Variants in DCBLD2 observed in about 807,000 individuals in gnomAD.
DCBLD2 encodes discoidin, CUB and LCCL domain-containing protein 2.
Under a neutral mutation model 86.8 loss-of-function variants are expected in DCBLD2, and 54 were observed. The observed-to-expected ratio is 0.62, with a 90% CI of 0.50 to 0.78. The LOEUF (loss-of-function observed/expected upper bound fraction) is 0.78. Ranked by LOEUF, DCBLD2 falls within the 30% of genes least tolerant of loss-of-function variation. DCBLD2 has a pLI of 0.00. For missense variants in DCBLD2, 908 were observed against 954.2 expected (o/e 0.95, Z 0.64); for synonymous variants, 354 against 341.3 (o/e 1.04, Z -0.41).
At position 98,799,513 on chromosome 3, in the gene DCBLD2, C is replaced by T; in HGVS notation, c.2187G>A (p.Gln729=). Residue 729 remains glutamine, a synonymous_variant, in exon 16 of 16, where the codon CAG becomes CAA. Coordinates refer to ENST00000326840, the MANE Select transcript of DCBLD2 (RefSeq NM_080927.4). ...LSRTDSCSSA[Q]AQYDTPKAGK... ...CAGCTTTCGGGGTATCATACTGGGC[C>T]TGGGCTGAGGAGCAGCTGTCAGTCC... The T allele has an allele frequency of 6.2e-7, 1 of 1,613,942 alleles. No individual in the cohort carries two copies. The highest frequency in any genetic ancestry group is 8.5e-7 in the Non-Finnish European group (1 of 1,179,880).
rs769229798 is a variant in DCBLD2 at position 98,799,431 on chromosome 3, G to A, written c.2269C>T (p.Gln757Ter). ...TCCCTTCCTGCTCCTGATACTTCTT[G>A]TGTGCTCTGTGGCACCTGGTACACC... Reference protein sequence around the residue: ...ELVYQVPQSTQEVSGAGRDGE... With the variant: ...ELVYQVPQST The change falls in exon 16 of 16, where the codon CAA becomes TAA. Residue 757 changes from glutamine (Q) to a stop codon, truncating the protein, a stop_gained. Coordinates refer to ENST00000326840, the MANE Select transcript of DCBLD2 (RefSeq NM_080927.4). LOFTEE classifies it high-confidence loss of function. The A allele has an allele frequency of 6.8e-6, 11 of 1,613,830 alleles. No homozygotes were observed. Among genetic ancestry groups the A allele is most frequent in the East Asian group, 2.2e-5 (1 of 44,882 alleles).
chr3:98,838,040 G>T lies in DCBLD2; in HGVS notation c.571+11421C>A, dbSNP rs868571347. Among the ~76,000 whole-genome samples, 25 of 86,730 alleles carry T rather than the reference G, an allele frequency of 2.9e-4. No individual in the cohort carries two copies. The East Asian group carries it at 7.3e-3, about 25-fold the overall frequency. The allele number at this position is 86,730 out of a possible 152,430, so 56.9% of individuals were successfully genotyped here. The stretch of plus-strand genomic sequence containing the variant: ...TCCCGGACGGGGCGGCTGGCCGGGC[G>T]GGGGGCTGACCCCCCCACCTCCCTC... On this transcript the variant is annotated intron_variant, in intron 3 of 15. Coordinates refer to ENST00000326840, the MANE Select transcript of DCBLD2 (RefSeq NM_080927.4).
At chr3:98,895,834 C>T (rs2107534144) in intron 1 of DCBLD2, among the ~76,000 whole-genome samples, 1 of 152,288 alleles carries the variant, frequency 6.6e-6, no homozygotes, top group African/African-American at 2.4e-5. Context: ...CAATGTTTTA[C>T]TCTTCTCTGA....
At chr3:98,828,361 TA>T (rs1272740404) in intron 3 of DCBLD2, among the ~76,000 whole-genome samples, 30 of 152,172 alleles carry the variant, frequency 2.0e-4, no homozygotes, top group Non-Finnish European at 1.0e-4. Context: ...TATGTGGCAT[TA>T]AAAAGACAAA....
At chr3:98,881,857 C>G (rs568180911) in intron 1 of DCBLD2, 90 bp from the exon 2 acceptor site, 5 of 1,253,066 alleles carry the variant, frequency 4.0e-6, no homozygotes, top group Non-Finnish European at 5.6e-6. Context: ...AAAATATGCA[C>G]GACATCAAAT....
intron 1 of DCBLD2, 189 bp downstream of exon 1, chr3:98,900,933 C>T (rs764076787): frequency 1.1e-5 from 11 of 1,029,470 alleles, no homozygotes; most frequent in Middle Eastern, 3.2e-4. Flanking sequence ...AGTAAAGCCG[C>T]GCCAACTTGG....
intron 2 of DCBLD2, among the ~76,000 whole-genome samples, chr3:98,871,214 G>C (rs1469665471): frequency 2.6e-5 from 4 of 152,032 alleles, no homozygotes; most frequent in African/African-American, 7.2e-5. Flanking sequence ...CAAGGTATAA[G>C]ATCACATCAT....
chr3:98,901,022 A>C (rs1576212237), intron 1 of DCBLD2, 100 bp downstream of exon 1: 2 of 1,519,208 alleles, frequency 1.3e-6, no homozygotes, highest in African/African-American at 1.4e-5. Context: ...ACGAAAGCGC[A>C]CCGCGCCTCC....
intron 2 of DCBLD2, among the ~76,000 whole-genome samples, chr3:98,869,047 T>C (rs1943212416): frequency 6.6e-6 from 1 of 152,212 alleles, no homozygotes; most frequent in South Asian, 2.1e-4. Flanking sequence ...CCATACTGTT[T>C]TCCACAGAGG....
intron 3 of DCBLD2, among the ~76,000 whole-genome samples, chr3:98,831,446 C>T (rs780880984): frequency 5.9e-5 from 9 of 151,872 alleles, no homozygotes; most frequent in East Asian, 1.9e-4. Flanking sequence ...TGTTTTTCTG[C>T]GTCTCACTGT....
At chr3:98,874,314 T>C (rs1415777539) in intron 2 of DCBLD2, among the ~76,000 whole-genome samples, 1 of 152,198 alleles carries the variant, frequency 6.6e-6, no homozygotes, top group African/African-American at 2.4e-5. Flanking sequence ...CACCAATATT[T>C]ATGCAAAAAT....
intron 3 of DCBLD2, 105 bp downstream of exon 3, chr3:98,849,352 GTCTT>G: frequency 2.9e-6 from 4 of 1,378,606 alleles, no homozygotes; most frequent in Non-Finnish European, 4.1e-6. Flanking sequence ...TAATTGTTCA[GTCTT>G]TCTGCTCTAT....
chr3:98,870,558 A>T (rs564555533), intron 2 of DCBLD2, among the ~76,000 whole-genome samples: 18 of 151,462 alleles, frequency 1.2e-4, no homozygotes, highest in Admixed American at 9.2e-4. Context: ...AGGCTGAAGT[A>T]AGCCAAGATT....
intron 2 of DCBLD2, among the ~76,000 whole-genome samples, chr3:98,867,299 G>C (rs1448275496): frequency 6.6e-6 from 1 of 152,210 alleles, no homozygotes; most frequent in Admixed American, 6.5e-5. Context: ...ACCTTGGGCA[G>C]TATAGCCATT....
In DCBLD2 at chr3:98,849,461, CTTGT is replaced by C; in HGVS notation, c.567_570del (p.Gln190IlefsTer2). 2 of 1,613,766 alleles carry C rather than the reference CTTGT, an allele frequency of 1.2e-6. No individual in the cohort carries two copies. Among genetic ancestry groups the C allele is most frequent in the Non-Finnish European group, 1.7e-6 (2 of 1,179,812 alleles). ...AACCATTGCAAAAGGTGAAAATTAC[CTTGT>C]TTATCTATAACAGAGTATGAGGCCA... On this transcript the variant is annotated frameshift_variant and splice_region_variant, in exon 3 of 16. Coordinates refer to ENST00000326840, the MANE Select transcript of DCBLD2 (RefSeq NM_080927.4). LOFTEE classifies it high-confidence loss of function.
intron 1 of DCBLD2, 71 bp downstream of exon 1, chr3:98,901,051 T>C: frequency 1.3e-6 from 2 of 1,533,436 alleles, no homozygotes; most frequent in Non-Finnish European, 1.7e-6. Flanking sequence ...TCTGCAGATT[T>C]GTTCAGGGGC....
At chr3:98,842,660 T>C (rs558025599) in intron 3 of DCBLD2, among the ~76,000 whole-genome samples, 2 of 152,350 alleles carry the variant, frequency 1.3e-5, no homozygotes, top group East Asian at 3.9e-4. Context: ...ATGAAAATAA[T>C]TAATGCTTTC....
At chr3:98,819,925 A>G (rs1283729254) in intron 7 of DCBLD2, among the ~76,000 whole-genome samples, 2 of 152,218 alleles carry the variant, frequency 1.3e-5, no homozygotes, top group Non-Finnish European at 2.9e-5. Context: ...ACTTTACTCT[A>G]TCACTCGAAC....
At chr3:98,815,819 T>G (rs912908823) in intron 9 of DCBLD2, 2 of 151,630 alleles carry the variant, frequency 1.3e-5, no homozygotes, top group African/African-American at 4.8e-5. Context: ...TTAGTGAACT[T>G]GAAGACAAAA....
Sources: gnomAD v4.1 joint callset for allele counts (sites outside exome capture counted in the v4.1 genomes callset) on GRCh38, gnomAD v4.1.1 for gene constraint, MANE v1.5 for transcripts, NCBI Gene and HGNC (gene_info 2026-07-23, HGNC 2026-07-21) for gene names.